TBCD: variants seen among roughly 807,000 people sequenced by gnomAD.
The protein encoded by TBCD is tubulin folding cofactor D.
TBCD carries 105 observed loss-of-function variants against 169.3 expected under a neutral mutation model. The observed-to-expected ratio is 0.62, with a 90% CI of 0.53 to 0.73. TBCD has a LOEUF of 0.73. Among genes scored for constraint, TBCD ranks in the 30% least tolerant of loss-of-function variants. TBCD has a pLI of 0.00. For synonymous variants in TBCD, 700 were observed against 643.9 expected, an observed-to-expected ratio of 1.09 and a Z score of -1.32; for missense variants, 1,444 against 1,600.1, an observed-to-expected ratio of 0.90 and a Z score of 1.66.
At chr17:82,837,226 A>G (rs1408894008) in intron 13 of TBCD, among the ~76,000 whole-genome samples, 3 of 152,180 alleles carry the variant, frequency 2.0e-5, no homozygotes, top group Non-Finnish European at 4.4e-5. Context: ...TGAGGTTTAT[A>G]AGGATGAAGA....
intron 8 of TBCD, among the ~76,000 whole-genome samples, 160 bp downstream of exon 8, chr17:82,797,962 CTTTTTTTTTTTTTTTTT>C (rs60671571): frequency 4.1e-5 from 2 of 49,018 alleles, no homozygotes; most frequent in Admixed American, 6.5e-4. Flanking sequence ...AGTAACTGAA[CTTTTTTTTTTTTTTTTT>C]TTTTTTTTTT....
intron 17 of TBCD, among the ~76,000 whole-genome samples, chr17:82,895,330 G>A (rs373766063): frequency 9.8e-5 from 15 of 152,344 alleles, no homozygotes; most frequent in Admixed American, 6.5e-4. Context: ...ACCCGAGGCA[G>A]GGTCCTGCTG....
Position 82,884,727 on chromosome 17 carries a change from C to A in TBCD, c.1533+525C>A. ...ATGGCTGGTTTCCTCTAGAGAGAGCCCTGTGACGTTTGGGGTGAATTCTGG... is the reference window on the plus strand; with the variant it reads ...ATGGCTGGTTTCCTCTAGAGAGAGCACTGTGACGTTTGGGGTGAATTCTGG... On this transcript the variant is annotated intron_variant, in intron 15 of 38. Coordinates refer to ENST00000355528, the MANE Select transcript of TBCD (RefSeq NM_005993.5). The surrounding 1 kb of genome is among the most constrained non-coding windows in gnomAD (Gnocchi z 4.2). The A allele has an allele frequency of 5.6e-6, 1 of 177,904 alleles. No homozygotes were observed. Among genetic ancestry groups the A allele is most frequent in the East Asian group, 1.4e-4 (1 of 7,246 alleles). 11.0% of individuals were successfully genotyped at this position (177,904 alleles called of 1,614,324 possible).
intron 13 of TBCD, among the ~76,000 whole-genome samples, chr17:82,827,200 C>CA (rs2052928947): frequency 6.6e-6 from 1 of 152,230 alleles, no homozygotes; most frequent in African/African-American, 2.4e-5. Flanking sequence ...TCACGCCTGA[C>CA]CTCTGTGCTC....
intron 13 of TBCD, among the ~76,000 whole-genome samples, chr17:82,866,477 G>C (rs2057181897): frequency 6.6e-6 from 1 of 152,222 alleles, no homozygotes; most frequent in Non-Finnish European, 1.5e-5. Flanking sequence ...TAGGACTCCC[G>C]GGGATGCCGT....
intron 33 of TBCD, among the ~76,000 whole-genome samples, chr17:82,931,610 G>A (rs546457098): frequency 1.3e-5 from 2 of 152,348 alleles, no homozygotes; most frequent in Middle Eastern, 3.4e-3. Context: ...GGTTGTTGCC[G>A]CATCGGGGCT....
intron 17 of TBCD, among the ~76,000 whole-genome samples, chr17:82,898,966 T>C (rs1425882282): frequency 6.6e-6 from 1 of 152,230 alleles, no homozygotes; most frequent in Non-Finnish European, 1.5e-5. Flanking sequence ...CCAACACTCC[T>C]TCCCCCCAGC....
At chr17:82,773,360 C>T (rs765423447) in intron 6 of TBCD, among the ~76,000 whole-genome samples, 2 of 152,150 alleles carry the variant, frequency 1.3e-5, no homozygotes, top group African/African-American at 2.4e-5. Context: ...GAGGAAGGAA[C>T]GCCTGAGTCC....
chr17:82,881,649 C>T (rs113131895), intron 14 of TBCD, among the ~76,000 whole-genome samples: 4,992 of 152,232 alleles, frequency 0.033, 280 homozygotes, highest in African/African-American at 0.11. Context: ...TTTTGGGCTG[C>T]GTTGATGTCG....
chr17:82,846,288 C>T (rs1480258978), intron 13 of TBCD, among the ~76,000 whole-genome samples: 252 of 139,238 alleles, frequency 1.8e-3, no homozygotes, highest in African/African-American at 6.5e-3. Flanking sequence ...TTGTCCAGCC[C>T]TCTGCTGCCC....
intron 13 of TBCD, among the ~76,000 whole-genome samples, chr17:82,845,046 T>A (rs2054889582): frequency 6.6e-6 from 1 of 152,024 alleles, no homozygotes; most frequent in Non-Finnish European, 1.5e-5. Context: ...GTGGCTGCTC[T>A]TGGGGGTAAG....
chr17:82,889,204 G>C lies in TBCD; in HGVS notation c.1534-464G>C, dbSNP rs547367659. Among the ~76,000 whole-genome samples the C allele has an allele frequency of 4.6e-5, 7 of 152,188 alleles. No individual in the cohort carries two copies. The highest frequency in any genetic ancestry group is 1.7e-4 in the African/African-American group (7 of 41,450). ...CAGCCCTTGCTCTGGGCCTGTGCCC[G>C]GCCCTGGGACTCGGCCTGGAGAGCC... On this transcript the variant is annotated intron_variant, in intron 15 of 38. Transcript: ENST00000355528. The surrounding 1 kb of genome is among the most constrained non-coding windows in gnomAD (Gnocchi z 5.3).
intron 13 of TBCD, among the ~76,000 whole-genome samples, chr17:82,827,937 A>G (rs1227544288): frequency 6.7e-6 from 1 of 148,568 alleles, no homozygotes; most frequent in East Asian, 2.0e-4. Flanking sequence ...GCACGTGGAC[A>G]CCCACACGAT....
chr17:82,932,998 C>T lies in TBCD; in HGVS notation c.3191+263C>T, dbSNP rs2147382761. ...TGAGGCGGGGGCCCTGCTGTGCACT[C>T]TCCCCCCAGCTATCCCACCGGGCCA... On this transcript the variant is annotated intron_variant, in intron 34 of 38. Transcript: ENST00000355528. 1.8e-5 allele frequency: 9 copies of T among 493,290 alleles called. 1 individual carries two copies. The highest frequency in any genetic ancestry group is 1.7e-4 in the South Asian group (8 of 47,222). 30.6% of individuals were successfully genotyped at this position (493,290 alleles called of 1,614,324 possible).
chr17:82,935,222 A>G (rs904758710), intron 34 of TBCD, among the ~76,000 whole-genome samples: 1 of 152,020 alleles, frequency 6.6e-6, no homozygotes, highest in African/African-American at 2.4e-5. Context: ...CTTATCACCC[A>G]TTTCTAGGAT....
intron 21 of TBCD, chr17:82,908,277 C>T (rs1246065523): frequency 2.2e-6 from 1 of 456,866 alleles, no homozygotes; most frequent in African/African-American, 2.0e-5. Context: ...AGAACGAGCA[C>T]AGAAGCCTCT....
At chr17:82,924,905 A>AG in intron 26 of TBCD, 34 bp from the exon 27 acceptor site, 1 of 1,520,930 alleles carries the variant, frequency 6.6e-7, no homozygotes, top group African/African-American at 1.4e-5. Context: ...TGGGCAGCAG[A>AG]GGGCCTCTCT....
intron 17 of TBCD, among the ~76,000 whole-genome samples, chr17:82,900,251 T>C (rs1026803109): frequency 1.3e-5 from 2 of 151,896 alleles, no homozygotes; most frequent in Middle Eastern, 3.4e-3. Context: ...GATGAGTTTT[T>C]TGCACGTCCT....
In TBCD at chr17:82,893,484, C is replaced by T. The variant is rs909531875; in HGVS notation, c.1564-63C>T. On this transcript the variant is annotated intron_variant, in intron 16 of 38. Transcript: ENST00000355528. ...AATGTCTGTGGATGTGATTATTGAA[C>T]TTGGTGAAATGCCTTTGTTCATTCA... 4.6e-6 allele frequency: 6 copies of T among 1,316,968 alleles called. No homozygotes were observed. In the African/African-American group the frequency reaches 8.8e-5, roughly 19 times the overall value. The allele number at this position is 1,316,968 out of a possible 1,614,324, so 81.6% of individuals were successfully genotyped here.
Sources: allele counts gnomAD v4.1 joint callset (sites outside exome capture counted in the v4.1 genomes callset), GRCh38; gene constraint gnomAD v4.1.1; non-coding constraint Gnocchi (gnomAD v3.1); transcripts MANE v1.5; gene names NCBI Gene and HGNC (gene_info 2026-07-23, HGNC 2026-07-21).